Variants in LPIN2 observed in about 807,000 individuals in gnomAD.
LPIN2 encodes phosphatidate phosphatase LPIN2.
A neutral mutation model predicts 111.4 loss-of-function variants in LPIN2; 55 were observed. That is an observed-to-expected ratio of 0.49 (90% CI 0.40 to 0.62). The LOEUF is 0.62. Ranked by LOEUF, LPIN2 falls within the 20% of genes least tolerant of loss-of-function variation. LPIN2 has a pLI of 0.00. For synonymous variants in LPIN2, 425 were observed against 414.0 expected (o/e 1.03, Z -0.32); for missense variants, 992 against 1,112.1 (o/e 0.89, Z 1.54).
At chr18:2,934,119 G>C (rs956433175) in intron 8 of LPIN2, among the ~76,000 whole-genome samples, 1 of 152,196 alleles carries the variant, frequency 6.6e-6, no homozygotes, top group African/African-American at 2.4e-5. Context: ...GGTTTAACTA[G>C]TATATCTCTC....
At chr18:2,989,745 A>G (rs948984205) in intron 1 of LPIN2, among the ~76,000 whole-genome samples, 1 of 151,692 alleles carries the variant, frequency 6.6e-6, no homozygotes. Flanking sequence ...ACACAGTGAA[A>G]CCCCGCCTCT....
intron 1 of LPIN2, among the ~76,000 whole-genome samples, chr18:3,012,854 C>T (rs1304077764): frequency 6.6e-6 from 1 of 151,694 alleles, no homozygotes; most frequent in Non-Finnish European, 1.5e-5. Flanking sequence ...GCGGCGGCGG[C>T]GGTAGGGGCC....
intron 1 of LPIN2, among the ~76,000 whole-genome samples, chr18:2,984,128 G>A (rs116559939): frequency 1.3e-5 from 2 of 152,314 alleles, no homozygotes; most frequent in African/African-American, 2.4e-5. Flanking sequence ...GGTGTCTGGT[G>A]ATGCTTAATA....
At chr18:3,000,912 A>G (rs2078425517) in intron 1 of LPIN2, among the ~76,000 whole-genome samples, 1 of 104,832 alleles carries the variant, frequency 9.5e-6, no homozygotes, top group Admixed American at 1.0e-4. Context: ...TTAAAAAGAA[A>G]CAAAGAAAGG....
chr18:2,983,917 T>C (rs1487091758), intron 1 of LPIN2, among the ~76,000 whole-genome samples: 1 of 151,856 alleles, frequency 6.6e-6, no homozygotes, highest in Non-Finnish European at 1.5e-5. Flanking sequence ...GAGAACAAGG[T>C]GGGGAAAAGG....
chr18:3,007,186 T>C (rs540294489), intron 1 of LPIN2, among the ~76,000 whole-genome samples: 6 of 152,322 alleles, frequency 3.9e-5, no homozygotes, highest in Admixed American at 1.3e-4. Context: ...ATTTATCTTT[T>C]TTGAGATGGA....
At chr18:2,982,070 T>C (rs1378669289) in intron 1 of LPIN2, among the ~76,000 whole-genome samples, 1 of 152,218 alleles carries the variant, frequency 6.6e-6, no homozygotes, top group Non-Finnish European at 1.5e-5. Context: ...CTTACATAAC[T>C]TGTTCTAAGT....
chr18:2,919,823 G>T lies in LPIN2; in HGVS notation c.*470C>A, dbSNP rs775210122. 1 of 216,804 alleles carries T rather than the reference G, an allele frequency of 4.6e-6. No individual in the cohort carries two copies. The highest frequency in any genetic ancestry group is 9.5e-6 in the Non-Finnish European group (1 of 105,762). 13.4% of individuals were successfully genotyped at this position (216,804 alleles called of 1,614,324 possible). A position where few individuals can be genotyped will look rare whatever the true frequency, so the allele number is the denominator to read the frequency against. ...GGCGACCAGAGAAGAAACGTGCACA[G>T]GCAGCTTCAGCCAGCATCACTGACT... On this transcript the variant is annotated 3_prime_UTR_variant, in exon 20 of 20. Coordinates refer to ENST00000677752, the MANE Select transcript of LPIN2 (RefSeq NM_001375808.2).
intron 1 of LPIN2, among the ~76,000 whole-genome samples, chr18:3,009,467 C>T (rs1045345128): frequency 6.6e-6 from 1 of 151,926 alleles, no homozygotes; most frequent in African/African-American, 2.4e-5. Flanking sequence ...GAGACAGAGT[C>T]TCGCTCTGTC....
intron 10 of LPIN2, among the ~76,000 whole-genome samples, 180 bp from the exon 11 acceptor site, chr18:2,928,840 C>G (rs1162797719): frequency 1.3e-5 from 2 of 152,202 alleles, no homozygotes; most frequent in Non-Finnish European, 2.9e-5. Context: ...CACAACTTCT[C>G]TGAACAGAGA....
chr18:2,998,264 C>T (rs758034720), intron 1 of LPIN2, among the ~76,000 whole-genome samples: 1 of 152,194 alleles, frequency 6.6e-6, no homozygotes, highest in Non-Finnish European at 1.5e-5. Context: ...AGTAGTTTTG[C>T]AAAACAAATG....
chr18:2,919,563 A>T lies in LPIN2; in HGVS notation c.*730T>A, dbSNP rs181454292. On this transcript the variant is annotated 3_prime_UTR_variant, in exon 20 of 20. Transcript: ENST00000677752. ...TAAGACCCACCTTCCCACTTTTATTACAGACATCAAATATATACTTGTGAG... is the reference window on the plus strand; with the variant it reads ...TAAGACCCACCTTCCCACTTTTATTTCAGACATCAAATATATACTTGTGAG... 5.2e-5 allele frequency: 8 copies of T among 152,604 alleles called. No homozygotes were observed. Among genetic ancestry groups the T allele is most frequent in the Admixed American group, 4.6e-4 (7 of 15,326 alleles). The allele number at this position is 152,604 out of a possible 1,614,324, so 9.5% of individuals were successfully genotyped here.
chr18:2,968,039 A>G, intron 1 of LPIN2, among the ~76,000 whole-genome samples: 1 of 152,190 alleles, frequency 6.6e-6, no homozygotes, highest in Non-Finnish European at 1.5e-5. Context: ...CACCGCTCCT[A>G]GACCTTCAGT....
chr18:2,965,243 T>C (rs1012753751), intron 1 of LPIN2, among the ~76,000 whole-genome samples: 1 of 152,210 alleles, frequency 6.6e-6, no homozygotes, highest in African/African-American at 2.4e-5. Flanking sequence ...TAGTCCTTCA[T>C]GCATAAAATT....
At chr18:2,964,392 C>T (rs562325593) in intron 1 of LPIN2, among the ~76,000 whole-genome samples, 1 of 150,118 alleles carries the variant, frequency 6.7e-6, no homozygotes, top group Admixed American at 6.6e-5. Flanking sequence ...AGCCCTGACG[C>T]CCAATGTGAT....
chr18:2,919,953 T>C lies in LPIN2; in HGVS notation c.*340A>G. 1 of 389,540 alleles carries C rather than the reference T, an allele frequency of 2.6e-6. No individual in the cohort carries two copies. The highest frequency in any genetic ancestry group is 4.9e-6 in the Non-Finnish European group (1 of 203,304). The allele number at this position is 389,540 out of a possible 1,614,324, so 24.1% of individuals were successfully genotyped here. On this transcript the variant is annotated 3_prime_UTR_variant, in exon 20 of 20. Coordinates refer to ENST00000677752, the MANE Select transcript of LPIN2 (RefSeq NM_001375808.2). ...TGGAACACTTCACTGTGTGCAGTGT[T>C]TTGGTCCACTCTTTTTTAGCTGCTT... is the stretch of plus-strand genomic sequence containing the variant.
chr18:2,989,498 G>T (rs1490993599), intron 1 of LPIN2, among the ~76,000 whole-genome samples: 2 of 152,154 alleles, frequency 1.3e-5, no homozygotes, highest in Non-Finnish European at 2.9e-5. Flanking sequence ...CAAATTCAAG[G>T]CAATCCCTAT....
chr18:2,929,547 A>C (rs2144153184), intron 9 of LPIN2, among the ~76,000 whole-genome samples: 1 of 152,350 alleles, frequency 6.6e-6, no homozygotes, highest in South Asian at 2.1e-4. Flanking sequence ...AGGCAACGGC[A>C]TAACTGGGGA....
At chr18:2,993,771 A>G (rs780529087) in intron 1 of LPIN2, among the ~76,000 whole-genome samples, 24 of 152,220 alleles carry the variant, frequency 1.6e-4, no homozygotes, top group Non-Finnish European at 2.9e-4. Flanking sequence ...GAGAATATAT[A>G]TAGCCCATGA....
Sources: gnomAD v4.1 joint callset for allele counts (sites outside exome capture counted in the v4.1 genomes callset) on GRCh38, gnomAD v4.1.1 for gene constraint, MANE v1.5 for transcripts, NCBI Gene and HGNC (gene_info 2026-07-23, HGNC 2026-07-21) for gene names.